Variants in FAM210A observed in about 807,000 individuals in gnomAD.
FAM210A encodes the protein family with sequence similarity 210 member A.
Under a neutral mutation model 25.3 loss-of-function variants are expected in FAM210A, and 13 were observed. The ratio of observed to expected loss-of-function variants is 0.51; its 90% CI spans 0.33 to 0.82. The LOEUF (loss-of-function observed/expected upper bound fraction) is 0.82, where lower values mean the gene tolerates loss of function less well. FAM210A is among the 40% of genes least tolerant of loss of function. The pLI is 0.02. For missense variants in FAM210A, 319 were observed against 323.2 expected (o/e 0.99, Z 0.10); for synonymous variants, 125 against 118.7 (o/e 1.05, Z -0.35).
In FAM210A at chr18:13,666,053, C is replaced by T. The variant is rs1383284960; in HGVS notation, c.*427G>A. On this transcript the variant is annotated 3_prime_UTR_variant, in exon 4 of 4. Transcript: ENST00000651643. ...TGCTAGTTTGTCTCCAAATTACGTA[C>T]TGAATATAGTTAAAATCTTAATGAA... The T allele has an allele frequency of 6.2e-6, 1 of 162,518 alleles. No homozygotes were observed. The highest frequency in any genetic ancestry group is 2.4e-5 in the African/African-American group (1 of 41,518). 10.1% of individuals were successfully genotyped at this position (162,518 alleles called of 1,614,324 possible). A position where few individuals can be genotyped will look rare whatever the true frequency, so the allele number is the denominator to read the frequency against.
At chr18:13,677,320 C>T (rs2043513229) in intron 2 of FAM210A, among the ~76,000 whole-genome samples, 1 of 152,084 alleles carries the variant, frequency 6.6e-6, no homozygotes, top group South Asian at 2.1e-4. Context: ...GTGATCCGCC[C>T]ACCTCGGCCT....
chr18:13,707,661 T>C (rs1437245796), intron 1 of FAM210A, among the ~76,000 whole-genome samples: 1 of 152,240 alleles, frequency 6.6e-6, no homozygotes, highest in Non-Finnish European at 1.5e-5. Flanking sequence ...ACTCTGTACT[T>C]CTACATTTGA....
chr18:13,678,038 ACGAGTCCAATCTCATT>A (rs2043519784), intron 2 of FAM210A, among the ~76,000 whole-genome samples: 1 of 152,164 alleles, frequency 6.6e-6, no homozygotes, highest in African/African-American at 2.4e-5. Flanking sequence ...AAAATAAACT[ACGAGTCCAATCTCATT>A]TCTTCTATCT....
At chr18:13,674,955 C>T (rs1178227128) in intron 2 of FAM210A, among the ~76,000 whole-genome samples, 1 of 145,730 alleles carries the variant, frequency 6.9e-6, no homozygotes, top group Non-Finnish European at 1.5e-5. Context: ...TTTCCAGTTT[C>T]CTGATTATTA....
chr18:13,717,257 AGAGATTAGTGCCC>A (rs1485392444), intron 1 of FAM210A, among the ~76,000 whole-genome samples: 2 of 152,334 alleles, frequency 1.3e-5, no homozygotes, highest in East Asian at 1.9e-4. Flanking sequence ...ATTTTGAACT[AGAGATTAGTGCCC>A]GAGATTAGTG....
At chr18:13,694,394 A>C (rs981251510) in intron 1 of FAM210A, among the ~76,000 whole-genome samples, 1 of 152,292 alleles carries the variant, frequency 6.6e-6, no homozygotes, top group South Asian at 2.1e-4. Flanking sequence ...ACCAAAAAAG[A>C]GTCCGCATTG....
chr18:13,681,978 C>T lies in FAM210A; in HGVS notation c.100G>A (p.Gly34Arg). The T allele has an allele frequency of 6.2e-7, 1 of 1,614,072 alleles. No homozygotes were observed. Among genetic ancestry groups the T allele is most frequent in the Non-Finnish European group, 8.5e-7 (1 of 1,180,018 alleles). ...GLFGHCQNVKGPLLLYNAESK... is the reference protein window; with the variant it reads ...GLFGHCQNVKRPLLLYNAESK... Reference sequence around the variant, plus strand: ...TCAGCATTGTATAAAAGTAAAGGTCCCTTTACATTTTGACAGTGTCCAAAG... The same window carrying T: ...TCAGCATTGTATAAAAGTAAAGGTCTCTTTACATTTTGACAGTGTCCAAAG... Residue 34 changes from glycine to arginine, a missense_variant, in exon 2 of 4, where the codon GGA (glycine) becomes AGA (arginine). Coordinates refer to ENST00000651643, the MANE Select transcript of FAM210A (RefSeq NM_152352.4).
At chr18:13,679,078 A>T (rs1234549070) in intron 2 of FAM210A, among the ~76,000 whole-genome samples, 3 of 152,230 alleles carry the variant, frequency 2.0e-5, no homozygotes, top group Admixed American at 6.5e-5. Flanking sequence ...TCCCTGAAAT[A>T]AAGTATTTCA....
intron 1 of FAM210A, among the ~76,000 whole-genome samples, chr18:13,706,368 G>A (rs1007076096): frequency 4.0e-5 from 6 of 151,114 alleles, no homozygotes; most frequent in Admixed American, 2.0e-4. Context: ...GGGGTCGTCT[G>A]TTGTGTGAAC....
rs369772010 is a variant in FAM210A at position 13,681,842 on chromosome 18, C to G, written c.236G>C (p.Gly79Ala). Residue 79 changes from glycine (G) to alanine (A), a missense_variant, in exon 2 of 4, where the codon GGA becomes GCA. Transcript: ENST00000651643. Reference protein sequence around the residue: ...RPLDAHPPQPGVLRHKQGKQH... With the variant: ...RPLDAHPPQPAVLRHKQGKQH... ...CTTCCCTTGCTTATGGCGAAGGACT[C>G]CTGGTTGGGGTGGATGAGCATCCAA... 5.6e-6 allele frequency: 9 copies of G among 1,614,056 alleles called. No homozygotes were observed. Among genetic ancestry groups the G allele is most frequent in the Non-Finnish European group, 7.6e-6 (9 of 1,180,036 alleles).
At chr18:13,709,025 G>GAT (rs2043802511) in intron 1 of FAM210A, among the ~76,000 whole-genome samples, 2 of 152,154 alleles carry the variant, frequency 1.3e-5, no homozygotes, top group Non-Finnish European at 2.9e-5. Context: ...CAGCATACAT[G>GAT]ATAGTACATC....
At chr18:13,725,390 T>A (rs372823279) in intron 1 of FAM210A, among the ~76,000 whole-genome samples, 2 of 152,226 alleles carry the variant, frequency 1.3e-5, no homozygotes, top group East Asian at 1.9e-4. Context: ...TAACCTCAAA[T>A]GGGCTAATGC....
intron 1 of FAM210A, among the ~76,000 whole-genome samples, chr18:13,692,127 C>T (rs1478742778): frequency 6.6e-6 from 1 of 150,838 alleles, no homozygotes; most frequent in Non-Finnish European, 1.5e-5. Context: ...TGACTTTAAA[C>T]CAACAAAGAT....
At chr18:13,700,220 A>T (rs1021611163) in intron 1 of FAM210A, among the ~76,000 whole-genome samples, 2 of 152,204 alleles carry the variant, frequency 1.3e-5, no homozygotes, top group African/African-American at 4.8e-5. Context: ...TCAAGTTCCC[A>T]CCTTGGGTTC....
intron 1 of FAM210A, among the ~76,000 whole-genome samples, chr18:13,684,275 T>C (rs2043577975): frequency 6.6e-6 from 1 of 152,098 alleles, no homozygotes; most frequent in Non-Finnish European, 1.5e-5. Flanking sequence ...GGTGCACGCC[T>C]GTAATCCCAG....
At chr18:13,693,483 G>A (rs1454666000) in intron 1 of FAM210A, among the ~76,000 whole-genome samples, 1 of 152,118 alleles carries the variant, frequency 6.6e-6, no homozygotes, top group Non-Finnish European at 1.5e-5. Flanking sequence ...AACATCGATG[G>A]AAAAGTCCTC....
chr18:13,726,046 G>A (rs1456992188), intron 1 of FAM210A, among the ~76,000 whole-genome samples: 2 of 152,234 alleles, frequency 1.3e-5, no homozygotes, highest in Non-Finnish European at 2.9e-5. Context: ...ACACGGTGAA[G>A]GGTTACAGCA....
At chr18:13,717,087 T>C (rs1298316057) in intron 1 of FAM210A, among the ~76,000 whole-genome samples, 1 of 152,178 alleles carries the variant, frequency 6.6e-6, no homozygotes, top group East Asian at 1.9e-4. Context: ...TGAAAGCAGC[T>C]TACTGATGAA....
intron 2 of FAM210A, among the ~76,000 whole-genome samples, chr18:13,678,570 G>C (rs1205160047): frequency 6.6e-6 from 1 of 152,196 alleles, no homozygotes; most frequent in South Asian, 2.1e-4. Context: ...GATTACAGGC[G>C]TGAGCCACTG....
Sources: gnomAD v4.1 joint callset for allele counts (sites outside exome capture counted in the v4.1 genomes callset) on GRCh38, gnomAD v4.1.1 for gene constraint, MANE v1.5 for transcripts, NCBI Gene and HGNC (gene_info 2026-07-23, HGNC 2026-07-21) for gene names.